NGF: variants seen among roughly 807,000 people sequenced by gnomAD.
NGF encodes beta-nerve growth factor.
A neutral mutation model predicts 12.8 loss-of-function variants in NGF; 4 were observed. The ratio of observed to expected loss-of-function variants is 0.31; its 90% CI spans 0.15 to 0.72. NGF has a LOEUF of 0.72. Among genes scored for constraint, NGF ranks in the 30% least tolerant of loss-of-function variants. The pLI, the probability that NGF is intolerant of heterozygous loss-of-function variation, is 0.69. For synonymous variants in NGF, 140 were observed against 130.0 expected (o/e 1.08, Z -0.52); for missense variants, 283 against 330.8 (o/e 0.86, Z 1.12).
intron 1 of NGF, among the ~76,000 whole-genome samples, chr1:115,300,458 G>A (rs775081224): frequency 3.9e-5 from 6 of 152,152 alleles, no homozygotes; most frequent in Non-Finnish European, 7.3e-5. Flanking sequence ...CAGTTTCACT[G>A]CAAAAATTGC....
chr1:115,336,965 G>A (rs1394068973), intron 1 of NGF, among the ~76,000 whole-genome samples: 1 of 152,174 alleles, frequency 6.6e-6, no homozygotes, highest in Non-Finnish European at 1.5e-5. Context: ...ATTTCCATTG[G>A]CCTTGGATGA....
intron 1 of NGF, among the ~76,000 whole-genome samples, chr1:115,310,464 C>T (rs1399453267): frequency 1.3e-5 from 2 of 152,158 alleles, no homozygotes; most frequent in Non-Finnish European, 2.9e-5. Context: ...CAGGGGCAAT[C>T]AGTGTTGCTC....
intron 1 of NGF, among the ~76,000 whole-genome samples, chr1:115,313,406 C>T (rs548118969): frequency 6.6e-6 from 1 of 152,332 alleles, no homozygotes; most frequent in East Asian, 1.9e-4. Context: ...GGCCCAGACC[C>T]TTAGATGAAC....
intron 1 of NGF, among the ~76,000 whole-genome samples, chr1:115,302,768 G>T (rs1269365086): frequency 6.6e-6 from 1 of 152,156 alleles, no homozygotes; most frequent in African/African-American, 2.4e-5. Context: ...CCTCTGTGCC[G>T]CAGCCACCAG....
chr1:115,334,350 G>T (rs536210575), intron 1 of NGF, among the ~76,000 whole-genome samples: 2 of 152,284 alleles, frequency 1.3e-5, no homozygotes, highest in Admixed American at 6.5e-5. Flanking sequence ...GACTCCACAG[G>T]CATGCAGTCT....
intron 1 of NGF, among the ~76,000 whole-genome samples, chr1:115,332,992 T>A (rs1654964691): frequency 6.6e-6 from 1 of 152,198 alleles, no homozygotes; most frequent in Non-Finnish European, 1.5e-5. Flanking sequence ...GGCATTTCAC[T>A]AGACTGAGCA....
intron 1 of NGF, among the ~76,000 whole-genome samples, chr1:115,299,217 A>G (rs1653961909): frequency 6.6e-6 from 1 of 152,208 alleles, no homozygotes; most frequent in African/African-American, 2.4e-5. Context: ...ATTCTTTTTG[A>G]TGAAAAGTTT....
chr1:115,310,587 C>A (rs1654312022), intron 1 of NGF, among the ~76,000 whole-genome samples: 3 of 152,044 alleles, frequency 2.0e-5, no homozygotes, highest in African/African-American at 4.8e-5. Flanking sequence ...ACAGTCTTAC[C>A]ATGTTGGACA....
At position 115,286,048 on chromosome 1, in the gene NGF, G is replaced by C. The variant is rs757362434; in HGVS notation, c.*22C>G. 1 of 1,612,244 alleles carries C rather than the reference G, an allele frequency of 6.2e-7. No homozygotes were observed. The highest frequency in any genetic ancestry group is 1.7e-5 in the Admixed American group (1 of 59,962). ...GCCCAGGAGAGTGTAGAAGGGGCAG[G>C]GGGAGGGAGCGTGTCGGCAGGTCAG... is the stretch of plus-strand genomic sequence containing the variant. On this transcript the variant is annotated 3_prime_UTR_variant, in exon 3 of 3. Transcript: ENST00000369512.
intron 1 of NGF, among the ~76,000 whole-genome samples, chr1:115,295,350 C>T (rs959461670): frequency 2.6e-5 from 4 of 152,124 alleles, no homozygotes; most frequent in African/African-American, 9.7e-5. Flanking sequence ...CCTTTCAATA[C>T]TCAATTGGGG....
At chr1:115,332,503 T>C in intron 1 of NGF, among the ~76,000 whole-genome samples, 1 of 135,586 alleles carries the variant, frequency 7.4e-6, no homozygotes, top group Non-Finnish European at 1.5e-5. Context: ...AAAGATGTTA[T>C]CCTACCTGAA....
At chr1:115,303,254 A>G (rs1654094599) in intron 1 of NGF, among the ~76,000 whole-genome samples, 1 of 152,158 alleles carries the variant, frequency 6.6e-6, no homozygotes, top group Non-Finnish European at 1.5e-5. Context: ...ACCTGTGTTC[A>G]TTAAGTCCCA....
At chr1:115,291,091 G>A (rs895404243) in intron 2 of NGF, among the ~76,000 whole-genome samples, 20 of 152,130 alleles carry the variant, frequency 1.3e-4, no homozygotes, top group Non-Finnish European at 2.4e-4. Context: ...TAATCACAAT[G>A]GAGATTTGTA....
intron 1 of NGF, among the ~76,000 whole-genome samples, chr1:115,320,963 AG>A (rs1390001379): frequency 1.3e-5 from 2 of 152,158 alleles, no homozygotes; most frequent in Non-Finnish European, 2.9e-5. Flanking sequence ...AGCTGGCTGC[AG>A]TCCGCCACTA....
At chr1:115,320,676 C>T (rs1278574628) in intron 1 of NGF, among the ~76,000 whole-genome samples, 3 of 152,156 alleles carry the variant, frequency 2.0e-5, no homozygotes, top group Non-Finnish European at 2.9e-5. Context: ...TGAAATTTAC[C>T]ATTTAATATT....
chr1:115,299,969 T>C (rs1653984896), intron 1 of NGF, among the ~76,000 whole-genome samples: 1 of 152,292 alleles, frequency 6.6e-6, no homozygotes, highest in South Asian at 2.1e-4. Flanking sequence ...ACAGCACCTA[T>C]GGAGTCTCCA....
intron 1 of NGF, among the ~76,000 whole-genome samples, chr1:115,312,899 A>G (rs1276966498): frequency 6.6e-6 from 1 of 152,206 alleles, no homozygotes; most frequent in Non-Finnish European, 1.5e-5. Context: ...TGCATTGGGA[A>G]TCTCTAAGAT....
intron 1 of NGF, among the ~76,000 whole-genome samples, chr1:115,323,270 CT>C (rs2101049813): frequency 6.6e-6 from 1 of 152,160 alleles, no homozygotes; most frequent in South Asian, 2.1e-4. Flanking sequence ...CCCTGTATTT[CT>C]TAGTAGGAAT....
chr1:115,331,322 G>T (rs978178153), intron 1 of NGF, among the ~76,000 whole-genome samples: 11 of 152,144 alleles, frequency 7.2e-5, no homozygotes, highest in African/African-American at 2.7e-4. Flanking sequence ...AGTTCTATCT[G>T]TGTGCCAGGA....
Sources: gnomAD v4.1 joint callset for allele counts (sites outside exome capture counted in the v4.1 genomes callset) on GRCh38, gnomAD v4.1.1 for gene constraint, MANE v1.5 for transcripts, NCBI Gene and HGNC (gene_info 2026-07-23, HGNC 2026-07-21) for gene names.